Variants in PKD1L3 observed in about 807,000 individuals in gnomAD.
The protein encoded by PKD1L3 is polycystin-1-like protein 3.
Under a neutral mutation model 184.1 loss-of-function variants are expected in PKD1L3, and 239 were observed. That is an observed-to-expected ratio of 1.30 (90% confidence interval 1.17 to 1.45). PKD1L3 has a LOEUF of 1.45. Among genes scored for constraint, PKD1L3 ranks in the 40% most tolerant of loss-of-function variants. The pLI is 0.00. For synonymous variants in PKD1L3, 996 were observed against 778.8 expected, an observed-to-expected ratio of 1.28 and a Z score of -4.64; for missense variants, 2,660 against 2,067.2, an observed-to-expected ratio of 1.29 and a Z score of -5.56.
At chr16:71,977,764 C>T (rs547392222) in intron 10 of PKD1L3, among the ~76,000 whole-genome samples, 3 of 151,370 alleles carry the variant, frequency 2.0e-5, no homozygotes, top group Admixed American at 6.6e-5. Context: ...AGTCCCAGAC[C>T]TATAACACTT....
At chr16:71,942,447 C>G (rs1438954975) in intron 24 of PKD1L3, 113 bp downstream of exon 24, 6 of 894,140 alleles carry the variant, frequency 6.7e-6, no homozygotes, top group Non-Finnish European at 1.0e-5. Flanking sequence ...AAATTTACCT[C>G]TCTTGTACTC....
chr16:71,963,601 G>A (rs35069141), intron 15 of PKD1L3, among the ~76,000 whole-genome samples: 21,719 of 152,100 alleles, frequency 0.14, 1,895 homozygotes, highest in Non-Finnish European at 0.2. Flanking sequence ...GGGCAACGTC[G>A]CAAAATCCCA....
In PKD1L3 at chr16:71,977,315, G is replaced by GT; in HGVS notation, c.1679dup (p.Tyr560Ter). The change falls in exon 11 of 30, where the codon TAC becomes TAAC. Residue 560 changes from tyrosine (Y) to a stop codon, truncating the protein, a stop_gained and frameshift_variant. Coordinates refer to ENST00000620267, the MANE Select transcript of PKD1L3 (RefSeq NM_181536.2). LOFTEE classifies it high-confidence loss of function. ...DPDSPLLMTL[Y>*]LGFQYQPNCT... ...AGTTAGGCTGATACTGGAACCCCAGGTAGAGTGTCATTAAAAGGGGACTGT... is the reference window on the plus strand; with the variant it reads ...AGTTAGGCTGATACTGGAACCCCAGGTTAGAGTGTCATTAAAAGGGGACTGT... 7 of 1,545,064 alleles carry GT rather than the reference G, an allele frequency of 4.5e-6. No individual in the cohort carries two copies. The highest frequency in any genetic ancestry group is 6.1e-6 in the Non-Finnish European group (7 of 1,141,002).
chr16:71,999,616 T>G, intron 1 of PKD1L3, 68 bp downstream of exon 1: 2 of 1,325,192 alleles, frequency 1.5e-6, no homozygotes, highest in Non-Finnish European at 9.9e-7. Context: ...AGATTTTCTT[T>G]TTTTTTTCTG....
chr16:71,984,198 C>T (rs1405805502), intron 5 of PKD1L3, 31 bp from the exon 6 acceptor site: 3 of 1,547,178 alleles, frequency 1.9e-6, no homozygotes, highest in Admixed American at 2.0e-5. Flanking sequence ...GTCAAAATTA[C>T]TCATACAAAA....
chr16:71,980,981 A>C (rs1033471613), intron 7 of PKD1L3, among the ~76,000 whole-genome samples: 3 of 152,166 alleles, frequency 2.0e-5, no homozygotes, highest in Non-Finnish European at 1.5e-5. Context: ...ATCACAACAT[A>C]CAGTCTTTTG....
chr16:71,978,465 A>T, intron 9 of PKD1L3, 82 bp from the exon 10 acceptor site: 2 of 702,940 alleles, frequency 2.8e-6, no homozygotes, highest in South Asian at 4.3e-5. Flanking sequence ...TCATATATAC[A>T]TATGTATATA....
At chr16:71,945,266 CTATATATATATATATATATATATATA>C (rs60469321) in intron 22 of PKD1L3, among the ~76,000 whole-genome samples, 3 of 63,944 alleles carry the variant, frequency 4.7e-5, no homozygotes, top group Non-Finnish European at 9.0e-5. Flanking sequence ...AATTTCTTAA[CTATATATATATATATATATATATATA>C]TATATATATA....
intron 10 of PKD1L3, 67 bp from the exon 11 acceptor site, chr16:71,977,534 T>A: frequency 8.6e-7 from 1 of 1,157,076 alleles, no homozygotes; most frequent in Non-Finnish European, 1.2e-6. Context: ...TCCTTTATAT[T>A]GATAAGGTAA....
chr16:71,977,443 A>T lies in PKD1L3; in HGVS notation c.1552T>A (p.Leu518Met). The T allele has an allele frequency of 6.4e-7, 1 of 1,550,896 alleles. No individual in the cohort carries two copies. The highest frequency in any genetic ancestry group is 8.7e-7 in the Non-Finnish European group (1 of 1,146,240). ...TTGAGGCTGGTGGGATGGGTTTCCA[A>T]GCTAACATTTCTCCAGAGCATGATC... ...IEIMLWRNVS[L>M]ETHPTSLNMS... The change falls in exon 11 of 30, where the codon TTG (leucine) becomes ATG (methionine). Residue 518 changes from leucine (L) to methionine (M), a missense_variant. Transcript: ENST00000620267.
chr16:71,998,173 C>A, intron 2 of PKD1L3, 99 bp downstream of exon 2: 1 of 1,452,546 alleles, frequency 6.9e-7, no homozygotes, highest in South Asian at 1.2e-5. Flanking sequence ...CATGGTCTAA[C>A]ACTCACAGAC....
chr16:71,953,221 G>T, intron 17 of PKD1L3, 128 bp from the exon 18 acceptor site: 1 of 779,524 alleles, frequency 1.3e-6, no homozygotes, highest in Non-Finnish European at 1.9e-6. Flanking sequence ...AATTATCCTG[G>T]CAGTAAAGAC....
At chr16:71,998,248 G>A (rs762500960) in intron 2 of PKD1L3, 24 bp downstream of exon 2, 2 of 1,550,968 alleles carry the variant, frequency 1.3e-6, no homozygotes, top group South Asian at 2.4e-5. Flanking sequence ...TGGGTCTTTG[G>A]CAGCATGTAG....
chr16:71,933,903 G>C lies in PKD1L3; in HGVS notation c.4824+12C>G, dbSNP rs550475982. 1.3e-6 allele frequency: 2 copies of C among 1,549,158 alleles called. No individual in the cohort carries two copies. The highest frequency in any genetic ancestry group is 1.7e-6 in the Non-Finnish European group (2 of 1,145,272). The stretch of plus-strand genomic sequence containing the variant: ...CACACGGAGAAGGAGAGACAGCAAC[G>C]TGGGGGCTTACGGCAATGGCATAGC... On this transcript the variant is annotated intron_variant, in intron 27 of 29. Transcript: ENST00000620267.
At position 71,949,764 on chromosome 16, in the gene PKD1L3, C is replaced by T; in HGVS notation, c.3618+19G>A. 6.5e-7 allele frequency: 1 copy of T among 1,542,194 alleles called. No homozygotes were observed. The highest frequency in any genetic ancestry group is 8.8e-7 in the Non-Finnish European group (1 of 1,140,176). On this transcript the variant is annotated intron_variant, in intron 21 of 29. Transcript: ENST00000620267. ...CCTAACTTCTGCAACTCCAATGGTT[C>T]TTCCCATCCCTCACATACCTTTACT...
At position 71,933,969 on chromosome 16, in the gene PKD1L3, C is replaced by T. The variant is rs1567486312; in HGVS notation, c.4770G>A (p.Glu1590=). 37 of 1,551,492 alleles carry T rather than the reference C, an allele frequency of 2.4e-5. 1 individual carries two copies. Among genetic ancestry groups the T allele is most frequent in the East Asian group, 4.9e-5 (2 of 40,920 alleles). ...ISRTLSRAWD[E]VVGFLLIILI... Reference sequence around the variant, plus strand: ...GGATGATCAGCAGAAAGCCCACCACCTCGTCCCAGGCTCGGCTCAGTGTCC... The same window carrying T: ...GGATGATCAGCAGAAAGCCCACCACTTCGTCCCAGGCTCGGCTCAGTGTCC... Residue 1590 remains glutamate (E), a synonymous_variant, in exon 27 of 30, where the codon GAG becomes GAA. Coordinates refer to ENST00000620267, the MANE Select transcript of PKD1L3 (RefSeq NM_181536.2).
intron 22 of PKD1L3, among the ~76,000 whole-genome samples, chr16:71,944,375 A>T (rs1365931642): frequency 6.6e-6 from 1 of 152,180 alleles, no homozygotes; most frequent in African/African-American, 2.4e-5. Flanking sequence ...ACTTTTGTAC[A>T]ATACAGTAAA....
chr16:71,958,306 G>A (rs901383987), intron 16 of PKD1L3, among the ~76,000 whole-genome samples: 1 of 147,416 alleles, frequency 6.8e-6, no homozygotes, highest in African/African-American at 2.5e-5. Context: ...AGAATGGCTT[G>A]AACCCGGGAG....
rs895863010 is a variant in PKD1L3, at chr16:71,990,347, C to A, written c.536-18G>T. 1.2e-5 allele frequency: 18 copies of A among 1,535,928 alleles called. No homozygotes were observed. In the African/African-American group the frequency reaches 1.4e-4, roughly 12 times the overall value. On this transcript the variant is annotated intron_variant, in intron 3 of 29. Coordinates refer to ENST00000620267, the MANE Select transcript of PKD1L3 (RefSeq NM_181536.2). ...ACCAGGTCCTATAGAAAAAAGAAAG[C>A]AGACTAAGTTCAAGTAAAAGCCTAA...
Sources: gnomAD v4.1 joint callset for allele counts (sites outside exome capture counted in the v4.1 genomes callset) on GRCh38, gnomAD v4.1.1 for gene constraint, MANE v1.5 for transcripts, NCBI Gene and HGNC (gene_info 2026-07-23, HGNC 2026-07-21) for gene names.